The following CAMK2D variants were observed in gnomAD, a reference collection of about 807,000 sequenced individuals.
CAMK2D encodes the protein calcium/calmodulin-dependent protein kinase type II subunit delta.
A neutral mutation model predicts 84.0 loss-of-function variants in CAMK2D; 37 were observed. The observed-to-expected ratio is 0.44, with a 90% CI of 0.34 to 0.58. The LOEUF (loss-of-function observed/expected upper bound fraction) is 0.58, where lower values mean the gene tolerates loss of function less well. Ranked by LOEUF, CAMK2D falls within the 20% of genes least tolerant of loss-of-function variation. The pLI is 0.02. For missense variants in CAMK2D, 448 were observed against 652.5 expected (o/e 0.69, Z 3.41); for synonymous variants, 202 against 212.5 (o/e 0.95, Z 0.43).
intron 16 of CAMK2D, among the ~76,000 whole-genome samples, chr4:113,495,926 C>T (rs2097921554): frequency 1.3e-5 from 2 of 152,142 alleles, no homozygotes; most frequent in South Asian, 2.1e-4. Flanking sequence ...CCAACTTCAA[C>T]AGGTGCTGCA....
At chr4:113,658,391 T>C (rs1005971051) in intron 3 of CAMK2D, among the ~76,000 whole-genome samples, 1 of 152,206 alleles carries the variant, frequency 6.6e-6, no homozygotes, top group African/African-American at 2.4e-5. Flanking sequence ...ATTGGTTCCC[T>C]CTGCCTACAA....
intron 8 of CAMK2D, among the ~76,000 whole-genome samples, chr4:113,519,959 G>A (rs946127168): frequency 4.6e-5 from 7 of 152,084 alleles, no homozygotes; most frequent in African/African-American, 9.7e-5. Flanking sequence ...AACTTTAGTA[G>A]GAATGATAAT....
chr4:113,650,768 A>G (rs2099169510), intron 3 of CAMK2D, among the ~76,000 whole-genome samples: 1 of 152,206 alleles, frequency 6.6e-6, no homozygotes, highest in Non-Finnish European at 1.5e-5. Flanking sequence ...AAAACTGCCT[A>G]TGCCTATGGA....
intron 12 of CAMK2D, among the ~76,000 whole-genome samples, chr4:113,511,629 T>G (rs1399110193): frequency 6.6e-6 from 1 of 152,200 alleles, no homozygotes; most frequent in African/African-American, 2.4e-5. Context: ...TTGAATATCA[T>G]ATATATGAAT....
chr4:113,628,558 T>G (rs2099076929), intron 3 of CAMK2D, among the ~76,000 whole-genome samples: 1 of 152,160 alleles, frequency 6.6e-6, no homozygotes. Context: ...TCAAAGGACT[T>G]ATCTTTCCTG....
At chr4:113,461,845 T>A (rs901655651) in intron 17 of CAMK2D, among the ~76,000 whole-genome samples, 3 of 152,328 alleles carry the variant, frequency 2.0e-5, no homozygotes, top group East Asian at 3.9e-4. Flanking sequence ...TTCAAAAGTC[T>A]AACTCACTGT....
chr4:113,568,173 G>C (rs1159808148), intron 4 of CAMK2D, among the ~76,000 whole-genome samples: 1 of 152,150 alleles, frequency 6.6e-6, no homozygotes, highest in African/African-American at 2.4e-5. Context: ...AATGTTGTGT[G>C]ACCATTTTCA....
intron 2 of CAMK2D, among the ~76,000 whole-genome samples, chr4:113,711,701 C>G (rs2154355138): frequency 6.6e-6 from 1 of 152,180 alleles, no homozygotes; most frequent in African/African-American, 2.4e-5. Flanking sequence ...GAAATGGACC[C>G]TACATTTAAC....
chr4:113,666,659 GA>G (rs1038769828), intron 2 of CAMK2D, among the ~76,000 whole-genome samples: 1 of 152,074 alleles, frequency 6.6e-6, no homozygotes, highest in Non-Finnish European at 1.5e-5. Flanking sequence ...AGGAAGGCTT[GA>G]ATTTGCCATG....
At chr4:113,580,432 T>C (rs1392180138) in intron 4 of CAMK2D, among the ~76,000 whole-genome samples, 3 of 152,236 alleles carry the variant, frequency 2.0e-5, no homozygotes, top group African/African-American at 7.2e-5. Context: ...ATTGATTTAG[T>C]ACTGATTCAG....
intron 16 of CAMK2D, among the ~76,000 whole-genome samples, chr4:113,495,252 TTCC>T (rs1252625913): frequency 2.6e-5 from 4 of 152,344 alleles, no homozygotes; most frequent in African/African-American, 9.6e-5. Flanking sequence ...ACACTACAGT[TTCC>T]TCTAAGACAT....
At chr4:113,509,283 A>C (rs987542255) in intron 13 of CAMK2D, among the ~76,000 whole-genome samples, 7 of 152,186 alleles carry the variant, frequency 4.6e-5, no homozygotes, top group African/African-American at 1.7e-4. Context: ...TATGCAGCAT[A>C]ATTATTTGGA....
intron 3 of CAMK2D, among the ~76,000 whole-genome samples, chr4:113,634,783 T>C (rs1390843540): frequency 6.6e-6 from 1 of 152,212 alleles, no homozygotes; most frequent in African/African-American, 2.4e-5. Flanking sequence ...AAACAAAACC[T>C]CATGGAACTT....
chr4:113,527,908 G>T (rs2154180057), intron 8 of CAMK2D, among the ~76,000 whole-genome samples: 1 of 152,028 alleles, frequency 6.6e-6, no homozygotes, highest in East Asian at 1.9e-4. Flanking sequence ...TGACACATTT[G>T]AAACATGAAA....
intron 6 of CAMK2D, among the ~76,000 whole-genome samples, chr4:113,540,902 T>C (rs1360532525): frequency 6.6e-6 from 1 of 152,228 alleles, no homozygotes; most frequent in African/African-American, 2.4e-5. Flanking sequence ...GGTTTTTAAA[T>C]AGAGTGCACA....
intron 16 of CAMK2D, among the ~76,000 whole-genome samples, chr4:113,494,143 CAA>C (rs2097889888): frequency 2.6e-5 from 4 of 152,230 alleles, no homozygotes. Flanking sequence ...CTCAGCTCGT[CAA>C]AGTCATTCTC....
At chr4:113,704,746 G>T (rs899809052) in intron 2 of CAMK2D, among the ~76,000 whole-genome samples, 1 of 151,768 alleles carries the variant, frequency 6.6e-6, no homozygotes, top group African/African-American at 2.4e-5. Context: ...TTTACTCTAG[G>T]TTAAGAACCT....
intron 2 of CAMK2D, among the ~76,000 whole-genome samples, chr4:113,755,773 C>T (rs1407838683): frequency 6.6e-6 from 1 of 151,832 alleles, no homozygotes; most frequent in African/African-American, 2.4e-5. Flanking sequence ...ATCAAAGCAG[C>T]AGAAAAAAAT....
chr4:113,572,790 C>T (rs1332685235), intron 4 of CAMK2D, among the ~76,000 whole-genome samples: 1 of 152,018 alleles, frequency 6.6e-6, no homozygotes, highest in Non-Finnish European at 1.5e-5. Flanking sequence ...ATGGAATCAA[C>T]CTAAATGCCC....
Sources: allele counts gnomAD v4.1 joint callset (sites outside exome capture counted in the v4.1 genomes callset), GRCh38; gene constraint gnomAD v4.1.1; transcripts MANE v1.5; gene names NCBI Gene and HGNC (gene_info 2026-07-23, HGNC 2026-07-21).